FANCM: variants seen among roughly 807,000 people sequenced by gnomAD.
FANCM encodes the protein Fanconi anemia group M protein.
Under a neutral mutation model 199.5 loss-of-function variants are expected in FANCM, and 140 were observed. The ratio of observed to expected loss-of-function variants is 0.70; its 90% confidence interval spans 0.61 to 0.81. The LOEUF is 0.81. Among genes scored for constraint, FANCM ranks in the 30% least tolerant of loss-of-function variants. The pLI, the probability that FANCM is intolerant of heterozygous loss-of-function variation, is 0.00. For missense variants in FANCM, 2,410 were observed against 2,421.4 expected (o/e 1.00, Z 0.10); for synonymous variants, 840 against 836.8 (o/e 1.00, Z -0.07).
chr14:45,159,550 C>T (rs2139188069), intron 9 of FANCM, among the ~76,000 whole-genome samples: 1 of 152,066 alleles, frequency 6.6e-6, no homozygotes, highest in Admixed American at 6.5e-5. Flanking sequence ...CTGACTCTAC[C>T]ACTTAAAAGT....
intron 4 of FANCM, among the ~76,000 whole-genome samples, chr14:45,150,630 A>G (rs1286479318): frequency 6.6e-6 from 1 of 152,202 alleles, no homozygotes; most frequent in Non-Finnish European, 1.5e-5. Flanking sequence ...CATGGTAGAC[A>G]TACCTTATCA....
Position 45,174,373 on chromosome 14 carries a change from C to T in FANCM, c.2317-698C>T, listed in dbSNP as rs373672528. 6.1e-5 allele frequency among the ~76,000 whole-genome samples: 9 copies of T among 148,024 alleles called. No individual in the cohort carries two copies. The South Asian group carries it at 1.1e-3, about 17-fold the overall frequency. ...CCGTACTCCAGCCTGGGCGACAGAGCGAGACTTTGTCTAAAAAAAAAAAAA... is the reference window on the plus strand; with the variant it reads ...CCGTACTCCAGCCTGGGCGACAGAGTGAGACTTTGTCTAAAAAAAAAAAAA... On this transcript the variant is annotated intron_variant, in intron 13 of 22. Coordinates refer to ENST00000267430, the MANE Select transcript of FANCM (RefSeq NM_020937.4).
At position 45,159,234 on chromosome 14, in the gene FANCM, C is replaced by T; in HGVS notation, c.1535C>T (p.Ala512Val). The T allele has an allele frequency of 6.2e-7, 1 of 1,613,816 alleles. No individual in the cohort carries two copies. Among genetic ancestry groups the T allele is most frequent in the Non-Finnish European group, 8.5e-7 (1 of 1,179,856 alleles). ...AGAGTAATGACTTTTGTCGGCCATG[C>T]CTCAGGGAAAAGCACGAAGGGTTTT... ...IIRVMTFVGH[A>V]SGKSTKGFTQ... Residue 512 changes from alanine (A) to valine (V), a missense_variant, in exon 9 of 23, where the codon GCC becomes GTC. Coordinates refer to ENST00000267430, the MANE Select transcript of FANCM (RefSeq NM_020937.4).
At chr14:45,152,231 T>C (rs997421233) in intron 5 of FANCM, among the ~76,000 whole-genome samples, 2 of 152,078 alleles carry the variant, frequency 1.3e-5, no homozygotes, top group African/African-American at 4.8e-5. Context: ...GGTTTCATCA[T>C]GTTGGCCGGG....
chr14:45,160,286 G>T (rs1318483405), intron 9 of FANCM, among the ~76,000 whole-genome samples: 1 of 149,794 alleles, frequency 6.7e-6, no homozygotes, highest in African/African-American at 2.4e-5. Context: ...GAGCCACCTC[G>T]CCTGGCTGGG....
At chr14:45,169,845 A>G (rs1888227643) in intron 11 of FANCM, among the ~76,000 whole-genome samples, 2 of 152,108 alleles carry the variant, frequency 1.3e-5, no homozygotes, top group East Asian at 1.9e-4. Flanking sequence ...CATATTTTTA[A>G]AAGTCTATTA....
intron 21 of FANCM, 36 bp from the exon 22 acceptor site, chr14:45,198,608 A>T: frequency 6.9e-7 from 1 of 1,455,078 alleles, no homozygotes; most frequent in Non-Finnish European, 9.6e-7. Context: ...AATATTAGTT[A>T]CTGAAGTTTG....
chr14:45,152,071 C>T (rs746467862), intron 5 of FANCM, among the ~76,000 whole-genome samples: 1 of 150,730 alleles, frequency 6.6e-6, no homozygotes, highest in East Asian at 1.9e-4. Flanking sequence ...CTCTATTGCC[C>T]AAGCCGGTGT....
intron 11 of FANCM, among the ~76,000 whole-genome samples, chr14:45,168,224 C>T (rs542577958): frequency 7.9e-5 from 12 of 152,158 alleles, no homozygotes; most frequent in South Asian, 4.1e-4. Flanking sequence ...AACTCAGAGC[C>T]GTCAATCAAT....
chr14:45,174,000 A>T (rs1888504187), intron 13 of FANCM, among the ~76,000 whole-genome samples: 1 of 152,194 alleles, frequency 6.6e-6, no homozygotes, highest in African/African-American at 2.4e-5. Context: ...TATAACCGTT[A>T]GCAAACAGAG....
chr14:45,186,116 A>G (rs770181702), intron 18 of FANCM, among the ~76,000 whole-genome samples: 8 of 151,786 alleles, frequency 5.3e-5, no homozygotes, highest in African/African-American at 7.3e-5. Flanking sequence ...TTGGTCTCCA[A>G]CTCCAGGCCT....
chr14:45,143,787 G>A (rs557945681), intron 3 of FANCM, among the ~76,000 whole-genome samples: 124 of 147,808 alleles, frequency 8.4e-4, no homozygotes, highest in African/African-American at 3.0e-3. Flanking sequence ...TCTGCCTCCC[G>A]GGTTCAAGCC....
chr14:45,199,432 C>T (rs914060554), intron 22 of FANCM, among the ~76,000 whole-genome samples: 1 of 152,186 alleles, frequency 6.6e-6, no homozygotes, highest in African/African-American at 2.4e-5. Flanking sequence ...GAGATCATGG[C>T]TGGGTTCTGG....
At chr14:45,170,432 A>G (rs1417605570) in intron 11 of FANCM, among the ~76,000 whole-genome samples, 157 bp from the exon 12 acceptor site, 1 of 152,192 alleles carries the variant, frequency 6.6e-6, no homozygotes, top group South Asian at 2.1e-4. Context: ...AGGCTGAGGC[A>G]GGAGGATTGC....
intron 9 of FANCM, among the ~76,000 whole-genome samples, chr14:45,160,403 A>G (rs1383803043): frequency 1.3e-5 from 2 of 148,650 alleles, no homozygotes; most frequent in East Asian, 3.9e-4. Flanking sequence ...AGTCACTGAA[A>G]CCTCCGCCTC....
At chr14:45,154,934 A>G (rs1887075779) in intron 7 of FANCM, 112 bp downstream of exon 7, 2 of 783,628 alleles carry the variant, frequency 2.6e-6, no homozygotes, top group Non-Finnish European at 4.3e-6. Context: ...TTTTGTAGCA[A>G]CAGATCTGTT....
intron 1 of FANCM, among the ~76,000 whole-genome samples, 185 bp downstream of exon 1, chr14:45,136,724 A>G (rs190517212): frequency 5.9e-5 from 9 of 152,350 alleles, no homozygotes; most frequent in Non-Finnish European, 1.3e-4. Context: ...GCAGCTTGTC[A>G]TAGTATTTTG....
Position 45,136,000 on chromosome 14 carries a change from T to G in FANCM, c.-32T>G. Reference sequence around the variant, plus strand: ...GGTTGAGCTGCTGCTGCTACGGATATCTGACAGAAGCCTTCGGTGGTTGTC... The same window carrying G: ...GGTTGAGCTGCTGCTGCTACGGATAGCTGACAGAAGCCTTCGGTGGTTGTC... On this transcript the variant is annotated 5_prime_UTR_variant, in exon 1 of 23. Coordinates refer to ENST00000267430, the MANE Select transcript of FANCM (RefSeq NM_020937.4). 6.2e-7 allele frequency: 1 copy of G among 1,611,990 alleles called. No homozygotes were observed. The highest frequency in any genetic ancestry group is 8.5e-7 in the Non-Finnish European group (1 of 1,179,584).
At chr14:45,181,744 C>G (rs746851336) in intron 16 of FANCM, 39 bp downstream of exon 16, 3 of 1,318,832 alleles carry the variant, frequency 2.3e-6, no homozygotes, top group African/African-American at 2.9e-5. Context: ...ATCCAAATTC[C>G]TTTGGAATAA....
Sources: gnomAD v4.1 joint callset for allele counts (sites outside exome capture counted in the v4.1 genomes callset) on GRCh38, gnomAD v4.1.1 for gene constraint, MANE v1.5 for transcripts, NCBI Gene and HGNC (gene_info 2026-07-23, HGNC 2026-07-21) for gene names.